The following BCKDHB variants were observed in gnomAD, a reference collection of about 807,000 sequenced individuals.
The protein encoded by BCKDHB is branched chain keto acid dehydrogenase E1 subunit beta.
In BCKDHB, 41 loss-of-function variants were observed where a neutral mutation model predicts 48.5. The observed-to-expected ratio is 0.85, with a 90% confidence interval of 0.66 to 1.10. The LOEUF (loss-of-function observed/expected upper bound fraction) is 1.10, where lower values mean the gene tolerates loss of function less well. BCKDHB is among the 50% of genes least tolerant of loss of function. The pLI, the probability that BCKDHB is intolerant of heterozygous loss-of-function variation, is 0.00. For missense variants in BCKDHB, 496 were observed against 494.2 expected, an observed-to-expected ratio of 1.00 and a Z score of -0.03; for synonymous variants, 201 against 174.8, an observed-to-expected ratio of 1.15 and a Z score of -1.18.
At chr6:80,384,348 CTTTT>C in the BCKDHB span, among the ~76,000 whole-genome samples, 3 of 147,512 alleles carry the variant, frequency 2.0e-5, no homozygotes, top group African/African-American at 7.6e-5. Flanking sequence ...TCTTCTTCTT[CTTTT>C]TTTTTTTTTT....
At chr6:80,448,036 G>A in the BCKDHB span, among the ~76,000 whole-genome samples, 3 of 152,120 alleles carry the variant, frequency 2.0e-5, no homozygotes, top group African/African-American at 7.2e-5. Flanking sequence ...ATCATATCAT[G>A]GTAGGTACTA....
chr6:80,325,778 A>G (rs1769002167), intron 9 of BCKDHB, among the ~76,000 whole-genome samples: 1 of 152,218 alleles, frequency 6.6e-6, no homozygotes, highest in Non-Finnish European at 1.5e-5. Context: ...ACACATGAGC[A>G]AAAATCTCAT....
chr6:80,394,567 A>G, the BCKDHB span, among the ~76,000 whole-genome samples: 1 of 152,086 alleles, frequency 6.6e-6, no homozygotes, highest in South Asian at 2.1e-4. Context: ...ACCTCTCATG[A>G]TCCTAGGCCA....
the BCKDHB span, among the ~76,000 whole-genome samples, chr6:80,442,439 A>G: frequency 2.0e-5 from 3 of 152,208 alleles, no homozygotes; most frequent in Non-Finnish European, 4.4e-5. Context: ...ATATGTGTAT[A>G]GTTGTGAACA....
the BCKDHB span, among the ~76,000 whole-genome samples, chr6:80,376,512 T>C: frequency 6.6e-6 from 1 of 152,188 alleles, no homozygotes. Context: ...GCAATCCACC[T>C]CCTTCAAAGG....
chr6:80,407,725 A>C, the BCKDHB span, among the ~76,000 whole-genome samples: 1 of 152,186 alleles, frequency 6.6e-6, no homozygotes, highest in African/African-American at 2.4e-5. Context: ...ACTTTGCTGA[A>C]GTTGCTTATC....
chr6:80,307,385 T>C, intron 9 of BCKDHB: 8 of 965,418 alleles, frequency 8.3e-6, no homozygotes, highest in Middle Eastern at 5.4e-4. Flanking sequence ...CTTTTTTCCA[T>C]ATTCTAAAAT....
the BCKDHB span, chr6:80,374,343 C>T: frequency 2.1e-6 from 2 of 931,332 alleles, no homozygotes; most frequent in Non-Finnish European, 3.5e-6. Context: ...TGTCTAGCCC[C>T]ACTGCTTGGC....
chr6:80,342,134 T>C (rs1453992284), intron 9 of BCKDHB, among the ~76,000 whole-genome samples: 1 of 152,172 alleles, frequency 6.6e-6, no homozygotes, highest in Non-Finnish European at 1.5e-5. Context: ...TGCATTTTCT[T>C]TCTGCCCCAA....
At chr6:80,360,076 G>A in the BCKDHB span, among the ~76,000 whole-genome samples, 1 of 152,148 alleles carries the variant, frequency 6.6e-6, no homozygotes, top group South Asian at 2.1e-4. Context: ...GATTGGAGGT[G>A]GTTAGGGATG....
the BCKDHB span, among the ~76,000 whole-genome samples, chr6:80,444,687 C>T: frequency 1.3e-5 from 2 of 152,116 alleles, no homozygotes; most frequent in Non-Finnish European, 1.5e-5. Flanking sequence ...TTACTAAATG[C>T]CTACTGCATA....
chr6:80,412,186 C>A, the BCKDHB span, among the ~76,000 whole-genome samples: 3 of 151,300 alleles, frequency 2.0e-5, no homozygotes, highest in Non-Finnish European at 4.4e-5. Flanking sequence ...CACTGTCACC[C>A]AGGCTGGAGT....
At chr6:80,289,031 A>G (rs770904795) in intron 9 of BCKDHB, among the ~76,000 whole-genome samples, 5 of 152,196 alleles carry the variant, frequency 3.3e-5, no homozygotes, top group Non-Finnish European at 7.3e-5. Flanking sequence ...TCTAGTAAAC[A>G]CAGAGCTGTT....
intron 9 of BCKDHB, among the ~76,000 whole-genome samples, chr6:80,302,133 C>G (rs1486170815): frequency 6.6e-6 from 1 of 152,024 alleles, no homozygotes; most frequent in Non-Finnish European, 1.5e-5. Flanking sequence ...CAAGATAGTA[C>G]TGGAAGTCCT....
chr6:80,270,830 T>C (rs539401578), intron 8 of BCKDHB, among the ~76,000 whole-genome samples: 1 of 152,262 alleles, frequency 6.6e-6, no homozygotes, highest in Admixed American at 6.5e-5. Context: ...AGTTTGGATC[T>C]CAGGATTCCT....
chr6:80,175,846 T>TA (rs1562110603), intron 6 of BCKDHB, among the ~76,000 whole-genome samples: 6 of 152,218 alleles, frequency 3.9e-5, no homozygotes. Context: ...AAAAACTAGT[T>TA]AAACAGTTTA....
intron 8 of BCKDHB, among the ~76,000 whole-genome samples, chr6:80,267,083 G>T (rs1777544781): frequency 6.6e-6 from 1 of 151,832 alleles, no homozygotes; most frequent in Admixed American, 6.6e-5. Flanking sequence ...ATATACAAAG[G>T]GCATAATTTG....
At chr6:80,148,516 T>C (rs1008775526) in intron 3 of BCKDHB, among the ~76,000 whole-genome samples, 1 of 152,162 alleles carries the variant, frequency 6.6e-6, no homozygotes, top group Non-Finnish European at 1.5e-5. Flanking sequence ...CCATTGCCAC[T>C]ATCATAGTTC....
chr6:80,399,216 C>G, the BCKDHB span, among the ~76,000 whole-genome samples: 3 of 152,236 alleles, frequency 2.0e-5, no homozygotes, highest in South Asian at 6.2e-4. Flanking sequence ...CTTTCTTTCA[C>G]TACTATTATT....
Sources: gnomAD v4.1 joint callset for allele counts (sites outside exome capture counted in the v4.1 genomes callset) on GRCh38, gnomAD v4.1.1 for gene constraint, MANE v1.5 for transcripts, NCBI Gene and HGNC (gene_info 2026-07-23, HGNC 2026-07-21) for gene names.